Variants in TRPM3 observed in about 807,000 individuals in gnomAD.
TRPM3 encodes the protein transient receptor potential cation channel subfamily M member 3.
A neutral mutation model predicts 181.2 loss-of-function variants in TRPM3; 77 were observed. The observed-to-expected ratio is 0.42, with a 90% CI of 0.35 to 0.51. The LOEUF is 0.51. TRPM3 is among the 20% of genes least tolerant of loss of function. The pLI, the probability that TRPM3 is intolerant of heterozygous loss-of-function variation, is 0.01. For synonymous variants in TRPM3, 745 were observed against 796.4 expected (o/e 0.94, Z 1.09); for missense variants, 1,759 against 2,196.7 (o/e 0.80, Z 3.98).
intron 1 of TRPM3, among the ~76,000 whole-genome samples, chr9:71,381,475 T>A (rs1177204569): frequency 6.6e-6 from 1 of 152,130 alleles, no homozygotes; most frequent in Non-Finnish European, 1.5e-5. Flanking sequence ...TTTCAAATAG[T>A]GATTAAGTGG....
intron 22 of TRPM3, among the ~76,000 whole-genome samples, chr9:70,562,120 C>A (rs985814176): frequency 1.3e-5 from 2 of 151,998 alleles, no homozygotes; most frequent in Admixed American, 6.6e-5. Context: ...AATTAAGTTT[C>A]TAAAAAATGA....
At chr9:71,049,287 ACAT>A (rs1406918374) in intron 1 of TRPM3, among the ~76,000 whole-genome samples, 1 of 152,124 alleles carries the variant, frequency 6.6e-6, no homozygotes, top group Admixed American at 6.6e-5. Context: ...ACACGGCTCC[ACAT>A]CAGCCCAAAT....
chr9:71,436,449 C>T (rs1396669958), intron 1 of TRPM3, among the ~76,000 whole-genome samples: 5 of 149,992 alleles, frequency 3.3e-5, no homozygotes, highest in Non-Finnish European at 7.4e-5. Context: ...ATTACAGGCA[C>T]GCACCACCAT....
At chr9:71,213,706 G>A (rs2079662328) in intron 1 of TRPM3, among the ~76,000 whole-genome samples, 1 of 152,094 alleles carries the variant, frequency 6.6e-6, no homozygotes, top group Non-Finnish European at 1.5e-5. Context: ...ATTAGGAGGT[G>A]GTGATATTCT....
At chr9:70,586,645 A>C (rs2057183997) in intron 22 of TRPM3, among the ~76,000 whole-genome samples, 2 of 151,992 alleles carry the variant, frequency 1.3e-5, no homozygotes, top group Admixed American at 1.3e-4. Flanking sequence ...GTCAAGCAAC[A>C]CTCCCCACGC....
intron 1 of TRPM3, among the ~76,000 whole-genome samples, chr9:71,170,079 A>C (rs1365711317): frequency 1.3e-5 from 2 of 152,030 alleles, no homozygotes; most frequent in Non-Finnish European, 2.9e-5. Flanking sequence ...ACTAGGAAAG[A>C]AGATGGTGAG....
intron 1 of TRPM3, among the ~76,000 whole-genome samples, chr9:71,307,899 T>TA (rs2087517746): frequency 6.6e-6 from 1 of 152,130 alleles, no homozygotes; most frequent in Non-Finnish European, 1.5e-5. Context: ...TATTTTGTTT[T>TA]AAAAATTTAT....
At chr9:71,224,074 G>A (rs1303465146) in intron 1 of TRPM3, among the ~76,000 whole-genome samples, 2 of 152,162 alleles carry the variant, frequency 1.3e-5, no homozygotes, top group Non-Finnish European at 2.9e-5. Flanking sequence ...GCTACAGCAG[G>A]CCTTAGGCAA....
chr9:71,273,203 A>T (rs1222853137), intron 1 of TRPM3, among the ~76,000 whole-genome samples: 1 of 152,162 alleles, frequency 6.6e-6, no homozygotes, highest in East Asian at 1.9e-4. Context: ...ATTTGGCATG[A>T]CCAGAATCCT....
At position 71,195,607 on chromosome 9, in the gene TRPM3, G is replaced by T. The variant is rs370811387; in HGVS notation, c.183+251046C>A. Among the ~76,000 whole-genome samples, 53 of 152,172 alleles carry T rather than the reference G, an allele frequency of 3.5e-4. 1 individual carries two copies. In the East Asian group the frequency reaches 8.5e-3, roughly 24 times the overall value. ...TTCAACCCAGCAATCCCATTACTGG[G>T]TATGTATCCAAAGGAATATAAATTG... On this transcript the variant is annotated intron_variant, in intron 1 of 24. Transcript: ENST00000357533.
intron 4 of TRPM3, 35 bp downstream of exon 4, chr9:70,846,343 C>T (rs770047098): frequency 1.5e-5 from 24 of 1,569,188 alleles, no homozygotes; most frequent in Non-Finnish European, 8.8e-7. Context: ...ATTCCCATGG[C>T]CTATGTTGAC....
chr9:71,337,076 T>C (rs1202695299), intron 1 of TRPM3, among the ~76,000 whole-genome samples: 1 of 152,002 alleles, frequency 6.6e-6, no homozygotes, highest in African/African-American at 2.4e-5. Context: ...CGAAAAGCAA[T>C]GGCAACAAAA....
chr9:71,353,176 C>T (rs1308705189), intron 1 of TRPM3, among the ~76,000 whole-genome samples: 1 of 152,042 alleles, frequency 6.6e-6, no homozygotes, highest in African/African-American at 2.4e-5. Context: ...TTCTCCAATG[C>T]ACCACCCCAC....
intron 1 of TRPM3, among the ~76,000 whole-genome samples, chr9:70,995,023 C>A (rs2097528998): frequency 6.6e-6 from 1 of 152,176 alleles, no homozygotes. Flanking sequence ...CCACAAGTCA[C>A]AAAGGCAACT....
chr9:71,072,114 T>C (rs1034425081), intron 1 of TRPM3, among the ~76,000 whole-genome samples: 6 of 152,196 alleles, frequency 3.9e-5, no homozygotes, highest in Non-Finnish European at 8.8e-5. Context: ...ATAAAACATA[T>C]GTCCATCTGA....
chr9:70,906,239 A>G (rs186735367), intron 1 of TRPM3, among the ~76,000 whole-genome samples: 1 of 152,294 alleles, frequency 6.6e-6, no homozygotes, highest in East Asian at 1.9e-4. Flanking sequence ...AAAGAATTCT[A>G]GGTAGTAGCC....
chr9:71,370,808 C>T (rs146957122), intron 1 of TRPM3, among the ~76,000 whole-genome samples: 3 of 152,314 alleles, frequency 2.0e-5, no homozygotes, highest in African/African-American at 4.8e-5. Flanking sequence ...CTAGGACTTT[C>T]ACAGCTAGAG....
At chr9:70,989,127 G>A (rs908372248) in intron 1 of TRPM3, among the ~76,000 whole-genome samples, 2 of 152,050 alleles carry the variant, frequency 1.3e-5, no homozygotes, top group African/African-American at 4.8e-5. Flanking sequence ...CTTGTTATGT[G>A]GTGATAGGAC....
intron 1 of TRPM3, among the ~76,000 whole-genome samples, chr9:71,101,822 T>C (rs1245845248): frequency 1.3e-5 from 2 of 152,166 alleles, no homozygotes; most frequent in Admixed American, 1.3e-4. Context: ...TTGGCTCCTG[T>C]GACAGCATTT....
Sources: gnomAD v4.1 joint callset for allele counts (sites outside exome capture counted in the v4.1 genomes callset) on GRCh38, gnomAD v4.1.1 for gene constraint, MANE v1.5 for transcripts, NCBI Gene and HGNC (gene_info 2026-07-23, HGNC 2026-07-21) for gene names.